The following NDST4 variants were observed in gnomAD, a reference collection of about 807,000 sequenced individuals.
The protein encoded by NDST4 is N-deacetylase and N-sulfotransferase 4, also known as N-heparan sulfate sulfotransferase 4.
NDST4 carries 63 observed loss-of-function variants against 100.8 expected under a neutral mutation model. The ratio of observed to expected loss-of-function variants is 0.62; its 90% CI spans 0.51 to 0.77. The LOEUF is 0.77. NDST4 is among the 30% of genes least tolerant of loss of function. The pLI is 0.00. For missense variants in NDST4, 943 were observed against 1,018.4 expected (o/e 0.93, Z 1.01); for synonymous variants, 377 against 361.8 (o/e 1.04, Z -0.48).
At position 114,929,103 on chromosome 4, in the gene NDST4, TCCATCCATCC is replaced by T. The variant is rs1725452507; in HGVS notation, c.1536+6093_1536+6102del. Among the ~76,000 whole-genome samples, 12 of 131,538 alleles carry T rather than the reference TCCATCCATCC, an allele frequency of 9.1e-5. 1 individual carries two copies. Among genetic ancestry groups the T allele is most frequent in the African/African-American group, 2.7e-4 (10 of 36,410 alleles). 86.3% of individuals were successfully genotyped at this position (131,538 alleles called of 152,430 possible). ...ATCCATCCATCCATCCATCCATCCA[TCCATCCATCC>T]ATCTATCTATCTATCTATCTATCTA... On this transcript the variant is annotated intron_variant, in intron 6 of 13. Coordinates refer to ENST00000264363, the MANE Select transcript of NDST4 (RefSeq NM_022569.3).
At chr4:114,885,294 AC>A in intron 6 of NDST4, among the ~76,000 whole-genome samples, 1 of 152,134 alleles carries the variant, frequency 6.6e-6, no homozygotes, top group East Asian at 1.9e-4. Context: ...AACATGTGTC[AC>A]ATGCTGACAG....
At chr4:115,061,434 T>G (rs546019885) in intron 2 of NDST4, among the ~76,000 whole-genome samples, 1 of 152,120 alleles carries the variant, frequency 6.6e-6, no homozygotes, top group Non-Finnish European at 1.5e-5. Flanking sequence ...CATGGAATAC[T>G]ATGCAGCCAT....
chr4:114,899,409 C>A (rs1414296632), intron 6 of NDST4, among the ~76,000 whole-genome samples: 1 of 152,214 alleles, frequency 6.6e-6, no homozygotes, highest in Non-Finnish European at 1.5e-5. Flanking sequence ...GATCTCCTGA[C>A]TTCATGATCC....
intron 2 of NDST4, among the ~76,000 whole-genome samples, chr4:115,017,245 C>T (rs1727698298): frequency 6.6e-6 from 1 of 151,988 alleles, no homozygotes; most frequent in Non-Finnish European, 1.5e-5. Flanking sequence ...CTTTTTAGAA[C>T]TTCAACATAC....
chr4:114,978,171 T>G (rs949116472), intron 2 of NDST4, among the ~76,000 whole-genome samples: 2 of 152,054 alleles, frequency 1.3e-5, no homozygotes, highest in African/African-American at 4.8e-5. Context: ...TACTTTGTTC[T>G]GATTAAAATG....
intron 10 of NDST4, among the ~76,000 whole-genome samples, chr4:114,840,592 T>C (rs1245720567): frequency 2.0e-5 from 3 of 152,164 alleles, no homozygotes; most frequent in Non-Finnish European, 2.9e-5. Context: ...AGGAGAAAGA[T>C]TGTGATAATC....
chr4:115,088,435 T>C (rs1435798675), intron 1 of NDST4, among the ~76,000 whole-genome samples: 2 of 151,934 alleles, frequency 1.3e-5, no homozygotes, highest in African/African-American at 4.8e-5. Context: ...CATCTAAATG[T>C]TTCATCTGTA....
chr4:115,088,403 G>A (rs963351121), intron 1 of NDST4, among the ~76,000 whole-genome samples: 1 of 149,554 alleles, frequency 6.7e-6, no homozygotes, highest in Non-Finnish European at 1.5e-5. Flanking sequence ...ATAATGCTTT[G>A]TTAGTAATTG....
chr4:114,982,383 A>T (rs190143450), intron 2 of NDST4, among the ~76,000 whole-genome samples: 1 of 152,306 alleles, frequency 6.6e-6, no homozygotes, highest in African/African-American at 2.4e-5. Context: ...AAACTAGAGC[A>T]AAGGTCATTC....
intron 6 of NDST4, among the ~76,000 whole-genome samples, chr4:114,908,221 C>CT (rs1430508950): frequency 6.6e-6 from 1 of 151,962 alleles, no homozygotes; most frequent in African/African-American, 2.4e-5. Flanking sequence ...AGTTAAAAAG[C>CT]TAAGATATAA....
chr4:114,896,622 CAA>C (rs34174566), intron 6 of NDST4, among the ~76,000 whole-genome samples: 17,391 of 103,804 alleles, frequency 0.17, 1,109 homozygotes, highest in African/African-American at 0.24. Context: ...GACTCCGTCT[CAA>C]AAAAAAAAAA....
At chr4:115,097,681 C>T (rs1300447216) in intron 1 of NDST4, among the ~76,000 whole-genome samples, 1 of 152,122 alleles carries the variant, frequency 6.6e-6, no homozygotes, top group Non-Finnish European at 1.5e-5. Context: ...GACCAGGGTC[C>T]TCATTTTACA....
At chr4:115,015,414 T>G (rs1007115458) in intron 2 of NDST4, among the ~76,000 whole-genome samples, 2 of 152,102 alleles carry the variant, frequency 1.3e-5, no homozygotes, top group African/African-American at 4.8e-5. Flanking sequence ...TTCAAACATT[T>G]CATCTAGTTG....
At chr4:115,088,389 T>C (rs572792292) in intron 1 of NDST4, among the ~76,000 whole-genome samples, 1 of 151,750 alleles carries the variant, frequency 6.6e-6, no homozygotes, top group East Asian at 1.9e-4. Flanking sequence ...TTTAAAAAAC[T>C]GGTATAATGC....
intron 2 of NDST4, among the ~76,000 whole-genome samples, chr4:115,023,530 C>T (rs1381156283): frequency 6.7e-6 from 1 of 150,358 alleles, no homozygotes; most frequent in East Asian, 1.9e-4. Context: ...ACCAAAACCA[C>T]CTGTTCCCCA....
intron 2 of NDST4, among the ~76,000 whole-genome samples, chr4:115,068,287 A>T (rs1728995173): frequency 6.6e-6 from 1 of 152,154 alleles, no homozygotes; most frequent in Non-Finnish European, 1.5e-5. Flanking sequence ...ATGTTAAGAC[A>T]TCAGTAAATT....
chr4:115,014,042 T>C (rs1023471643), intron 2 of NDST4, among the ~76,000 whole-genome samples: 1 of 152,082 alleles, frequency 6.6e-6, no homozygotes, highest in Admixed American at 6.6e-5. Context: ...AAATTGCAGC[T>C]GCTGTATCAG....
In NDST4 at chr4:114,935,249, C is replaced by T; in HGVS notation, c.1493G>A (p.Ser498Asn). 1.2e-6 allele frequency: 2 copies of T among 1,610,274 alleles called. No homozygotes were observed. Among genetic ancestry groups the T allele is most frequent in the African/African-American group, 2.7e-5 (2 of 74,806 alleles). ...GAGAAAAAGTTCACCTCCTCTGATACTTTTATCCAGTTCTTGGGGTCCTCC... is the reference window on the plus strand; with the variant it reads ...GAGAAAAAGTTCACCTCCTCTGATATTTTTATCCAGTTCTTGGGGTCCTCC... ...YPGGPQELDKSIRGGELFLTI... is the reference protein window; with the variant it reads ...YPGGPQELDKNIRGGELFLTI... The change falls in exon 6 of 14, where the codon AGT becomes AAT. Residue 498 changes from serine to asparagine, a missense_variant. Around this residue, in one of 2 missense-constraint regions of NDST4, gnomAD observed 526 missense variants for 634.1 expected, o/e 0.83. Coordinates refer to ENST00000264363, the MANE Select transcript of NDST4 (RefSeq NM_022569.3).
At chr4:114,875,613 A>G (rs72895246) in intron 6 of NDST4, among the ~76,000 whole-genome samples, 13,035 of 152,220 alleles carry the variant, frequency 0.086, 1,630 homozygotes, top group African/African-American at 0.27. Context: ...ATGGTGGTAA[A>G]TAAATTAGGC....
Sources: gnomAD v4.1 joint callset for allele counts (sites outside exome capture counted in the v4.1 genomes callset) on GRCh38, gnomAD v4.1.1 for gene constraint, gnomAD v4.1.1 regional missense constraint, MANE v1.5 for transcripts, NCBI Gene and HGNC (gene_info 2026-07-23, HGNC 2026-07-21) for gene names.